The following CCDC7 variants were observed in gnomAD, a reference collection of about 807,000 sequenced individuals.
CCDC7 encodes the protein coiled-coil domain-containing protein 7.
A neutral mutation model predicts 196.9 loss-of-function variants in CCDC7; 183 were observed. The ratio of observed to expected loss-of-function variants is 0.93; its 90% CI spans 0.82 to 1.05. The LOEUF is 1.05. Ranked by LOEUF, CCDC7 falls within the 50% of genes least tolerant of loss-of-function variation. The pLI, the probability that CCDC7 is intolerant of heterozygous loss-of-function variation, is 0.00. For synonymous variants in CCDC7, 525 were observed against 484.6 expected (o/e 1.08, Z -1.10); for missense variants, 1,540 against 1,482.2 (o/e 1.04, Z -0.64).
chr10:32,635,196 A>T (rs530784898), intron 20 of CCDC7, 38 bp downstream of exon 21: 1 of 397,010 alleles, frequency 2.5e-6, no homozygotes, highest in Non-Finnish European at 4.4e-6. Flanking sequence ...AATTATTTTC[A>T]ATTATATTAA....
chr10:32,670,352 T>C (rs1253858643), intron 21 of CCDC7, among the ~76,000 whole-genome samples: 6 of 152,082 alleles, frequency 3.9e-5, no homozygotes. Context: ...AGTTGCTTCC[T>C]GTTGATTTCC....
At chr10:32,839,822 A>G (rs1457043820) in intron 33 of CCDC7, among the ~76,000 whole-genome samples, 2 of 152,132 alleles carry the variant, frequency 1.3e-5, no homozygotes, top group Non-Finnish European at 2.9e-5. Context: ...CCACAGTGGA[A>G]TAAAATTGGA....
At chr10:32,838,021 A>G (rs1263326874) in intron 33 of CCDC7, among the ~76,000 whole-genome samples, 1 of 152,122 alleles carries the variant, frequency 6.6e-6, no homozygotes, top group African/African-American at 2.4e-5. Flanking sequence ...GCATGTATAC[A>G]TATGTAACAA....
intron 22 of CCDC7, among the ~76,000 whole-genome samples, chr10:32,882,371 C>A (rs528267069): frequency 6.6e-6 from 1 of 152,228 alleles, no homozygotes; most frequent in Non-Finnish European, 1.5e-5. Flanking sequence ...TCTCGCTAAA[C>A]TGACTTAGTA....
At chr10:32,664,704 C>A (rs764230653) in intron 21 of CCDC7, among the ~76,000 whole-genome samples, 1 of 151,928 alleles carries the variant, frequency 6.6e-6, no homozygotes, top group African/African-American at 2.4e-5. Flanking sequence ...TTTTCGTTAT[C>A]TATTGATCTG....
At chr10:32,625,431 T>G (rs1351741773) in intron 18 of CCDC7, among the ~76,000 whole-genome samples, 2 of 151,704 alleles carry the variant, frequency 1.3e-5, no homozygotes, top group East Asian at 3.8e-4. Context: ...ACTGTTTAAA[T>G]TTTTAAATTT....
chr10:32,777,587 T>C lies in CCDC7; in HGVS notation c.2906-1390T>C, dbSNP rs534814197. 3.9e-5 allele frequency among the ~76,000 whole-genome samples: 6 copies of C among 152,242 alleles called. No homozygotes were observed. In the East Asian group the frequency reaches 1.2e-3, roughly 29 times the overall value. ...AATAGCTATTCTGGGCCGGGTGTGG[T>C]GGCTCATGCCTGTCATCCCAGCACT... is the stretch of plus-strand genomic sequence containing the variant. On this transcript the variant is annotated intron_variant, in intron 28 of 41. Coordinates refer to ENST00000639629, the Ensembl canonical transcript of CCDC7.
At chr10:32,571,761 A>G (rs1259397384) in intron 15 of CCDC7, 98 bp from the exon 17 acceptor site, 13 of 1,139,440 alleles carry the variant, frequency 1.1e-5, no homozygotes, top group East Asian at 8.9e-5. Context: ...CGAAATTGTC[A>G]TATTAAAAAA....
intron 15 of CCDC7, 51 bp downstream of exon 16, chr10:32,567,942 T>C: frequency 6.7e-7 from 1 of 1,503,108 alleles, no homozygotes; most frequent in Non-Finnish European, 8.9e-7. Flanking sequence ...GAGAAATTTG[T>C]CTTTTATATT....
chr10:32,574,556 T>A (rs1435741446), intron 16 of CCDC7: 1 of 1,293,146 alleles, frequency 7.7e-7, no homozygotes, highest in African/African-American at 1.5e-5. Flanking sequence ...ACATTTTTGC[T>A]CTTTACAACA....
chr10:32,673,557 A>C (rs1021178467), intron 21 of CCDC7, among the ~76,000 whole-genome samples: 30 of 151,750 alleles, frequency 2.0e-4, no homozygotes, highest in African/African-American at 7.0e-4. Flanking sequence ...TCCTTTTTGG[A>C]TAGTTCGTTG....
chr10:32,691,374 C>T (rs1338103271), intron 23 of CCDC7, among the ~76,000 whole-genome samples: 3 of 152,020 alleles, frequency 2.0e-5, no homozygotes, highest in South Asian at 4.2e-4. Context: ...ATTAACTAGA[C>T]TCAGATATTT....
intron 23 of CCDC7, among the ~76,000 whole-genome samples, chr10:32,692,916 C>T (rs73259489): frequency 6.6e-6 from 1 of 152,088 alleles, no homozygotes; most frequent in Non-Finnish European, 1.5e-5. Flanking sequence ...ATTTTATGGA[C>T]CCTGAGGCTG....
chr10:32,660,108 GT>G, intron 20 of CCDC7, among the ~76,000 whole-genome samples: 1 of 150,852 alleles, frequency 6.6e-6, no homozygotes, highest in Middle Eastern at 3.4e-3. Context: ...TTTTTCCTCT[GT>G]TTTTCTTTTT....
intron 11 of CCDC7, among the ~76,000 whole-genome samples, chr10:32,538,605 A>G (rs2050886768): frequency 6.6e-6 from 1 of 152,092 alleles, no homozygotes; most frequent in Non-Finnish European, 1.5e-5. Flanking sequence ...ATTCAATATG[A>G]TGTTGGCTGT....
At chr10:32,459,909 A>G (rs1020067506) in intron 3 of CCDC7, among the ~76,000 whole-genome samples, 5 of 152,120 alleles carry the variant, frequency 3.3e-5, no homozygotes, top group Admixed American at 2.0e-4. Flanking sequence ...GAAATTGAAC[A>G]AAGTCTCAGA....
chr10:32,670,130 T>C (rs1763804), intron 21 of CCDC7, among the ~76,000 whole-genome samples: 51,763 of 151,904 alleles, frequency 0.34, 11,278 homozygotes, highest in Non-Finnish European at 0.49. Flanking sequence ...CCCTTTACTG[T>C]CTTCCCTCTG....
chr10:32,803,621 T>C (rs151181557), intron 29 of CCDC7, among the ~76,000 whole-genome samples: 2 of 152,158 alleles, frequency 1.3e-5, no homozygotes, highest in East Asian at 1.9e-4. Flanking sequence ...TCTATGTGTG[T>C]CTTTACAGGT....
rs566577911 is a variant in CCDC7, at chr10:32,526,090, C to G, written c.993+7585C>G. Among the ~76,000 whole-genome samples the G allele has an allele frequency of 2.0e-5, 3 of 152,302 alleles. No homozygotes were observed. The South Asian group carries it at 6.2e-4, about 32-fold the overall frequency. The stretch of plus-strand genomic sequence containing the variant: ...GAGAGTAAAAACCTTAGCATTTTAC[C>G]TGATGTTTTCTGCTATGGCTAAGCT... On this transcript the variant is annotated intron_variant, in intron 11 of 41. Coordinates refer to ENST00000639629, the Ensembl canonical transcript of CCDC7.
Sources: gnomAD v4.1 joint callset for allele counts (sites outside exome capture counted in the v4.1 genomes callset) on GRCh38, gnomAD v4.1.1 for gene constraint, MANE v1.5 for transcripts, NCBI Gene and HGNC (gene_info 2026-07-23, HGNC 2026-07-21) for gene names.